UNC5C: variants seen among roughly 807,000 people sequenced by gnomAD.
The protein encoded by UNC5C is netrin receptor UNC5C.
Under a neutral mutation model 99.8 loss-of-function variants are expected in UNC5C, and 47 were observed. The observed-to-expected ratio is 0.47, with a 90% CI of 0.37 to 0.60. The LOEUF (loss-of-function observed/expected upper bound fraction) is 0.60. Ranked by LOEUF, UNC5C falls within the 20% of genes least tolerant of loss-of-function variation. UNC5C has a pLI of 0.00. For missense variants in UNC5C, 1,062 were observed against 1,165.9 expected (o/e 0.91, Z 1.30); for synonymous variants, 487 against 452.2 (o/e 1.08, Z -0.98).
intron 3 of UNC5C, among the ~76,000 whole-genome samples, chr4:95,280,618 G>A (rs76020351): frequency 0.17 from 25,859 of 151,746 alleles, 3,701 homozygotes; most frequent in African/African-American, 0.36. Flanking sequence ...GAACCCAGGA[G>A]GCGGAGGTTG....
chr4:95,237,950 G>A (rs924873170), intron 7 of UNC5C, among the ~76,000 whole-genome samples: 1 of 152,100 alleles, frequency 6.6e-6, no homozygotes, highest in Non-Finnish European at 1.5e-5. Context: ...GCTGAGGCAG[G>A]AGAATCACTT....
At chr4:95,455,862 A>C (rs1006776631) in intron 1 of UNC5C, among the ~76,000 whole-genome samples, 1 of 152,084 alleles carries the variant, frequency 6.6e-6, no homozygotes, top group African/African-American at 2.4e-5. Flanking sequence ...TGTCCATAGG[A>C]GTATTCCACT....
intron 1 of UNC5C, among the ~76,000 whole-genome samples, chr4:95,338,983 G>A (rs1322363515): frequency 2.6e-5 from 4 of 151,984 alleles, no homozygotes; most frequent in Non-Finnish European, 2.9e-5. Flanking sequence ...TGACAGCAGA[G>A]GTCACATACC....
In UNC5C at chr4:95,242,601, G is replaced by A; in HGVS notation, c.944-8C>T. On this transcript the variant is annotated splice_region_variant and splice_polypyrimidine_tract_variant and intron_variant, in intron 6 of 15. Coordinates refer to ENST00000453304, the MANE Select transcript of UNC5C (RefSeq NM_003728.4). Reference sequence around the variant, plus strand: ...GCGTCCACCTGCCATCCACTGCCATGGAAAAAATGCAGCAGGAGGTCAGAG... The same window carrying A: ...GCGTCCACCTGCCATCCACTGCCATAGAAAAAATGCAGCAGGAGGTCAGAG... The A allele has an allele frequency of 6.4e-7, 1 of 1,554,730 alleles. No individual in the cohort carries two copies. The highest frequency in any genetic ancestry group is 8.7e-7 in the Non-Finnish European group (1 of 1,148,014).
At chr4:95,532,500 T>C (rs1484818270) in intron 1 of UNC5C, among the ~76,000 whole-genome samples, 2 of 150,532 alleles carry the variant, frequency 1.3e-5, no homozygotes, top group Non-Finnish European at 2.9e-5. Flanking sequence ...CCAAAAGCTG[T>C]ATCACATCCT....
chr4:95,253,267 A>C (rs1446198962), intron 4 of UNC5C, among the ~76,000 whole-genome samples: 1 of 152,214 alleles, frequency 6.6e-6, no homozygotes, highest in Non-Finnish European at 1.5e-5. Context: ...TGTCAGTTTA[A>C]CAGTGATGTT....
chr4:95,176,923 G>C (rs957425549), intron 14 of UNC5C, among the ~76,000 whole-genome samples: 1 of 148,804 alleles, frequency 6.7e-6, no homozygotes, highest in Non-Finnish European at 1.5e-5. Context: ...CTCCGAGCCA[G>C]GTGCGGGATA....
rs1162337262 is a variant in UNC5C at position 95,183,020 on chromosome 4, G to A, written c.2328C>T (p.Asn776=). 6.2e-7 allele frequency: 1 copy of A among 1,611,830 alleles called. No individual in the cohort carries two copies. Among genetic ancestry groups the A allele is most frequent in the South Asian group, 1.1e-5 (1 of 90,890 alleles). The change falls in exon 14 of 16, where the codon AAC becomes AAT. Residue 776 remains asparagine (N), a synonymous_variant. Transcript: ENST00000453304. The stretch of plus-strand genomic sequence containing the variant: ...TTTCCAGAGTGAAGGTGCAGTGCAG[G>A]TTTCTTTGAGATCCACTCCAAACAT... ...FYHVWSGSQR[N]LHCTFTLERF...
intron 1 of UNC5C, among the ~76,000 whole-genome samples, chr4:95,378,902 C>T (rs1395114896): frequency 6.6e-6 from 1 of 152,080 alleles, no homozygotes; most frequent in African/African-American, 2.4e-5. Flanking sequence ...CTTTGCAAAG[C>T]TTGGAAACTT....
intron 7 of UNC5C, among the ~76,000 whole-genome samples, chr4:95,222,630 C>A (rs1217360460): frequency 6.6e-6 from 1 of 152,066 alleles, no homozygotes; most frequent in Non-Finnish European, 1.5e-5. Flanking sequence ...CTTTAATTCC[C>A]AGGACATATT....
intron 4 of UNC5C, among the ~76,000 whole-genome samples, chr4:95,271,532 G>A (rs927270219): frequency 3.9e-5 from 6 of 152,150 alleles, no homozygotes; most frequent in African/African-American, 9.7e-5. Flanking sequence ...CCCGGCCACA[G>A]CTGAGGTTTA....
At chr4:95,438,377 A>G (rs1443490643) in intron 1 of UNC5C, among the ~76,000 whole-genome samples, 3 of 152,140 alleles carry the variant, frequency 2.0e-5, no homozygotes, top group Non-Finnish European at 4.4e-5. Flanking sequence ...TCTGGAGCCA[A>G]GATAACTTTC....
At chr4:95,534,118 G>A (rs1209496893) in intron 1 of UNC5C, among the ~76,000 whole-genome samples, 2 of 152,176 alleles carry the variant, frequency 1.3e-5, no homozygotes, top group Non-Finnish European at 2.9e-5. Context: ...AGGAAGTTGG[G>A]GAGGAGGGTT....
rs999435667 is a variant in UNC5C at position 95,525,631 on chromosome 4, T to A, written c.124+23103A>T. 8.4e-5 allele frequency among the ~76,000 whole-genome samples: 10 copies of A among 118,716 alleles called. No homozygotes were observed. In the East Asian group the frequency reaches 1.4e-3, roughly 17 times the overall value. The allele number at this position is 118,716 out of a possible 152,430, so 77.9% of individuals were successfully genotyped here. ...AAAAAAAAAAAAAGACATACACAGC[T>A]AATATATCTTGCCAAAGTCCAAGAT... On this transcript the variant is annotated intron_variant, in intron 1 of 15. Coordinates refer to ENST00000453304, the MANE Select transcript of UNC5C (RefSeq NM_003728.4).
chr4:95,228,893 A>T (rs4419475), intron 7 of UNC5C, among the ~76,000 whole-genome samples: 75,426 of 151,972 alleles, frequency 0.5, 19,665 homozygotes, highest in East Asian at 0.72. Flanking sequence ...GTCTTCTGTT[A>T]CAAGTGTGGG....
At chr4:95,253,863 A>G (rs530188555) in intron 4 of UNC5C, among the ~76,000 whole-genome samples, 1 of 152,040 alleles carries the variant, frequency 6.6e-6, no homozygotes, top group South Asian at 2.1e-4. Context: ...CACATCACCA[A>G]CTCCAGAAGT....
chr4:95,488,356 G>A (rs1167304690), intron 1 of UNC5C, among the ~76,000 whole-genome samples: 1 of 151,592 alleles, frequency 6.6e-6, no homozygotes, highest in Non-Finnish European at 1.5e-5. Context: ...AAATGCAAAA[G>A]AAAAAAGAAA....
At chr4:95,484,747 A>T (rs1333235217) in intron 1 of UNC5C, among the ~76,000 whole-genome samples, 1 of 151,858 alleles carries the variant, frequency 6.6e-6, no homozygotes, top group African/African-American at 2.4e-5. Context: ...ACTGCTGCTA[A>T]AGCCTAGCCT....
At chr4:95,475,884 G>A (rs934546476) in intron 1 of UNC5C, among the ~76,000 whole-genome samples, 3 of 151,984 alleles carry the variant, frequency 2.0e-5, no homozygotes, top group African/African-American at 4.8e-5. Context: ...GCAGGTCCTC[G>A]CTACATCTTA....
Sources: gnomAD v4.1 joint callset for allele counts (sites outside exome capture counted in the v4.1 genomes callset) on GRCh38, gnomAD v4.1.1 for gene constraint, MANE v1.5 for transcripts, NCBI Gene and HGNC (gene_info 2026-07-23, HGNC 2026-07-21) for gene names.